BCKDHA: variants seen among roughly 807,000 people sequenced by gnomAD.
The protein encoded by BCKDHA is 2-oxoisovalerate dehydrogenase subunit alpha, mitochondrial.
Under a neutral mutation model 52.2 loss-of-function variants are expected in BCKDHA, and 43 were observed. The observed-to-expected ratio is 0.82, with a 90% CI of 0.64 to 1.06. BCKDHA has a LOEUF of 1.06. BCKDHA is among the 50% of genes least tolerant of loss of function. The pLI is 0.00. For missense variants in BCKDHA, 527 were observed against 621.3 expected, an observed-to-expected ratio of 0.85 and a Z score of 1.61; for synonymous variants, 234 against 247.9, an observed-to-expected ratio of 0.94 and a Z score of 0.53.
rs1427169125 is a variant in BCKDHA, at chr19:41,397,884, G to C, written c.57G>C (p.Gln19His). The C allele has an allele frequency of 3.1e-6, 5 of 1,614,046 alleles. No homozygotes were observed. The African/African-American group carries it at 4.0e-5, about 13-fold the overall frequency. ...GGCGGCTAAACCGTGGTTTGAGCCA[G>C]GCTGCCCTCCTGCTGCTGCGGCAGC... The part of the protein sequence containing the change: ...RVWRLNRGLS[Q>H]AALLLLRQPG... Residue 19 changes from glutamine (Q) to histidine (H), a missense_variant, in exon 1 of 9, where the codon CAG becomes CAC. Coordinates refer to ENST00000269980, the MANE Select transcript of BCKDHA (RefSeq NM_000709.4).
At position 41,419,186 on chromosome 19, in the gene BCKDHA, A is replaced by G. The variant is rs1568506590; in HGVS notation, c.536A>G (p.Tyr179Cys). Residue 179 changes from tyrosine (Y) to cysteine (C), a missense_variant, in exon 5 of 9, where the codon TAT becomes TGT. Tyr to Cys is a radical substitution (Grantham distance 194). Coordinates refer to ENST00000269980, the MANE Select transcript of BCKDHA (RefSeq NM_000709.4). ...YPLELFMAQC[Y>C]GNISDLGKGR... ...CTGGAACTATTCATGGCCCAGTGCT[A>G]TGGCAACATCAGTGACTTGGGCAAG... The G allele has an allele frequency of 5.6e-6, 9 of 1,614,166 alleles. No homozygotes were observed. The highest frequency in any genetic ancestry group is 6.8e-6 in the Non-Finnish European group (8 of 1,180,008).
chr19:41,422,049 G>A, intron 5 of BCKDHA, 115 bp from the exon 6 acceptor site: 1 of 1,029,152 alleles, frequency 9.7e-7, no homozygotes, highest in Non-Finnish European at 1.5e-6. Context: ...CTTTCCCCTT[G>A]AAGCCTGGTG....
rs377529297 is a variant in BCKDHA at position 41,423,187 on chromosome 19, G to C, written c.1167+18G>C. 6.5e-7 allele frequency: 1 copy of C among 1,550,322 alleles called. No homozygotes were observed. On this transcript the variant is annotated intron_variant, in intron 8 of 8. Coordinates refer to ENST00000269980, the MANE Select transcript of BCKDHA (RefSeq NM_000709.4). The stretch of plus-strand genomic sequence containing the variant: ...GCAGGAAGGTGAGGGTGCCCCGCCC[G>C]GGAGGGTGTGCTGGGGGCTGCTGCG...
intron 1 of BCKDHA, among the ~76,000 whole-genome samples, chr19:41,398,457 G>C (rs2039101478): frequency 6.6e-6 from 1 of 152,160 alleles, no homozygotes; most frequent in Non-Finnish European, 1.5e-5. Flanking sequence ...AAATTTGTTT[G>C]ATTCCTGTGT....
chr19:41,417,611 A>C (rs2039319355), intron 4 of BCKDHA, among the ~76,000 whole-genome samples: 1 of 152,116 alleles, frequency 6.6e-6, no homozygotes, highest in Admixed American at 6.6e-5. Context: ...AGTGCTAACC[A>C]CCCTCAACTC....
At chr19:41,410,571 G>T in intron 1 of BCKDHA, 66 bp from the exon 2 acceptor site, 1 of 1,587,560 alleles carries the variant, frequency 6.3e-7, no homozygotes, top group Non-Finnish European at 8.6e-7. Flanking sequence ...CTGCCGCCGG[G>T]GCTGAGCCAG....
intron 6 of BCKDHA, 129 bp downstream of exon 6, chr19:41,422,499 G>T: frequency 6.4e-7 from 1 of 1,567,522 alleles, no homozygotes; most frequent in African/African-American, 1.4e-5. Context: ...TCTGGCACTT[G>T]GTCAGCCACA....
At chr19:41,398,184 T>G (rs2039097860) in intron 1 of BCKDHA, among the ~76,000 whole-genome samples, 1 of 152,124 alleles carries the variant, frequency 6.6e-6, no homozygotes, top group South Asian at 2.1e-4. Context: ...GGGAGACGAC[T>G]TGAAGAGAGA....
At chr19:41,414,802 G>C (rs1439665074) in intron 4 of BCKDHA, among the ~76,000 whole-genome samples, 1 of 152,160 alleles carries the variant, frequency 6.6e-6, no homozygotes, top group Non-Finnish European at 1.5e-5. Flanking sequence ...TTGGTGTGGG[G>C]CCCTGCATGG....
Position 41,422,253 on chromosome 19 carries a change from G to A in BCKDHA, c.736G>A (p.Ala246Thr), listed in dbSNP as rs536540966. 3.7e-5 allele frequency: 59 copies of A among 1,614,174 alleles called. No homozygotes were observed. In the East Asian group the frequency reaches 7.8e-4, roughly 21 times the overall value. The change falls in exon 6 of 9, where the codon GCC (alanine) becomes ACC (threonine). Residue 246 changes from alanine (A) to threonine (T), a missense_variant. Coordinates refer to ENST00000269980, the MANE Select transcript of BCKDHA (RefSeq NM_000709.4). ...CGAGGGGGCAGCCAGTGAGGGGGACGCCCATGCCGGCTTCAACTTCGCTGC... is the reference window on the plus strand; with the variant it reads ...CGAGGGGGCAGCCAGTGAGGGGGACACCCATGCCGGCTTCAACTTCGCTGC... ...FGEGAASEGD[A>T]HAGFNFAATL...
chr19:41,422,009 G>T (rs914640900), intron 5 of BCKDHA, among the ~76,000 whole-genome samples, 155 bp from the exon 6 acceptor site: 5 of 152,128 alleles, frequency 3.3e-5, no homozygotes, highest in African/African-American at 9.7e-5. Context: ...GTGGGCAGAT[G>T]CTGGGGGGCA....
intron 1 of BCKDHA, among the ~76,000 whole-genome samples, chr19:41,402,087 A>C (rs1037847358): frequency 2.0e-5 from 3 of 152,206 alleles, no homozygotes; most frequent in Non-Finnish European, 2.9e-5. Flanking sequence ...AGGCAGACAG[A>C]GTGCTTGCAG....
chr19:41,409,448 G>C (rs943740497), intron 1 of BCKDHA, among the ~76,000 whole-genome samples: 3 of 152,154 alleles, frequency 2.0e-5, no homozygotes, highest in African/African-American at 7.2e-5. Flanking sequence ...CCAGAACCCA[G>C]CACAGGGCTT....
At position 41,411,124 on chromosome 19, in the gene BCKDHA, A is replaced by G. The variant is rs1228899655; in HGVS notation, c.375+115A>G. 5 of 1,192,214 alleles carry G rather than the reference A, an allele frequency of 4.2e-6. No individual in the cohort carries two copies. In the Middle Eastern group the frequency reaches 7.9e-4, roughly 189 times the overall value. The allele number at this position is 1,192,214 out of a possible 1,614,324, so 73.9% of individuals were successfully genotyped here. The stretch of plus-strand genomic sequence containing the variant: ...ACAGATTCTTTTTTGGGGGGGTTCC[A>G]TAGAGTTCTGAGGGTTCTCTTGGGA... On this transcript the variant is annotated intron_variant, in intron 3 of 8. Coordinates refer to ENST00000269980, the MANE Select transcript of BCKDHA (RefSeq NM_000709.4).
chr19:41,423,603 G>A (rs898625305), intron 8 of BCKDHA, among the ~76,000 whole-genome samples: 6 of 152,160 alleles, frequency 3.9e-5, no homozygotes, highest in South Asian at 2.1e-4. Flanking sequence ...AGGCCAAGGC[G>A]GACAGATCAC....
intron 1 of BCKDHA, among the ~76,000 whole-genome samples, chr19:41,407,939 G>A: frequency 6.9e-6 from 1 of 144,208 alleles, no homozygotes; most frequent in East Asian, 2.1e-4. Context: ...TGGAAGCCCA[G>A]TTCTGATGTA....
At chr19:41,412,399 A>G (rs28374474) in intron 3 of BCKDHA, among the ~76,000 whole-genome samples, 1 of 25,832 alleles carries the variant, frequency 3.9e-5, no homozygotes, top group Non-Finnish European at 8.6e-5. Flanking sequence ...TTTTTTTTTT[A>G]CTTTTGAGAT....
chr19:41,415,744 G>A (rs1245156734), intron 4 of BCKDHA, among the ~76,000 whole-genome samples: 15 of 151,846 alleles, frequency 9.9e-5, no homozygotes, highest in African/African-American at 3.6e-4. Flanking sequence ...CACCTCCTGG[G>A]TTCACGCCAT....
At chr19:41,420,199 A>G (rs1200222621) in intron 5 of BCKDHA, among the ~76,000 whole-genome samples, 3 of 152,176 alleles carry the variant, frequency 2.0e-5, no homozygotes, top group Non-Finnish European at 4.4e-5. Flanking sequence ...TGCCTACTGC[A>G]TTTGTCTGCT....
Sources: gnomAD v4.1 joint callset for allele counts (sites outside exome capture counted in the v4.1 genomes callset) on GRCh38, gnomAD v4.1.1 for gene constraint, MANE v1.5 for transcripts, NCBI Gene and HGNC (gene_info 2026-07-23, HGNC 2026-07-21) for gene names.